The following GOLGA8H variants were observed in gnomAD, a reference collection of about 807,000 sequenced individuals.
GOLGA8H encodes the protein golgin subfamily A member 8H.
GOLGA8H carries 47 observed loss-of-function variants against 82.7 expected under a neutral mutation model. The observed-to-expected ratio is 0.57, with a 90% CI of 0.45 to 0.73. The LOEUF (loss-of-function observed/expected upper bound fraction) is 0.73. GOLGA8H is among the 30% of genes least tolerant of loss of function. The pLI is 0.00. For missense variants in GOLGA8H, 372 were observed against 661.0 expected, an observed-to-expected ratio of 0.56 and a Z score of 4.79; for synonymous variants, 108 against 241.6, an observed-to-expected ratio of 0.45 and a Z score of 5.13.
Position 30,605,934 on chromosome 15 carries a change from C to G in GOLGA8H, c.140C>G (p.Thr47Ser). ...AATGGCAGTGTCCCTGAGAAAGCCA[C>G]TTCTGGTGGTTGCCAGCCACCTGGG... ...KTNGSVPEKA[T>S]SGGCQPPGDS... Residue 47 changes from threonine (T) to serine (S), a missense_variant, in exon 2 of 19, where the codon ACT becomes AGT. Transcript: ENST00000566740. 4 of 1,597,264 alleles carry G rather than the reference C, an allele frequency of 2.5e-6. No homozygotes were observed. Among genetic ancestry groups the G allele is most frequent in the Non-Finnish European group, 3.4e-6 (4 of 1,177,572 alleles).
At position 30,615,367 on chromosome 15, in the gene GOLGA8H, T is replaced by C. The variant is rs528174657; in HGVS notation, c.*806T>C. Among the ~76,000 whole-genome samples, 4 of 152,086 alleles carry C rather than the reference T, an allele frequency of 2.6e-5. No homozygotes were observed. In the East Asian group the frequency reaches 5.8e-4, roughly 22 times the overall value. On this transcript the variant is annotated 3_prime_UTR_variant, in exon 19 of 19. Transcript: ENST00000566740. ...CTGCAGCAGTTGCACTCTTTTTCGATGACCTAAAAAGGGCTTATTTCTGAG... is the reference window on the plus strand; with the variant it reads ...CTGCAGCAGTTGCACTCTTTTTCGACGACCTAAAAAGGGCTTATTTCTGAG...
rs2060089255 is a variant in GOLGA8H, at chr15:30,615,107, A to G, written c.*546A>G. Among the ~76,000 whole-genome samples, 1 of 151,776 alleles carries G rather than the reference A, an allele frequency of 6.6e-6. No individual in the cohort carries two copies. Among genetic ancestry groups the G allele is most frequent in the African/African-American group, 2.4e-5 (1 of 41,314 alleles). ...GAGTACTGACATTTAGAGTTGTTTAAAGGCCAAGAACTGGAAACAGCCTTT... is the reference window on the plus strand; with the variant it reads ...GAGTACTGACATTTAGAGTTGTTTAGAGGCCAAGAACTGGAAACAGCCTTT... On this transcript the variant is annotated 3_prime_UTR_variant, in exon 19 of 19. Transcript: ENST00000566740.
At position 30,617,557 on chromosome 15, in the gene GOLGA8H, G is replaced by A. The variant is rs1349944216; in HGVS notation, c.*2996G>A. 6 of 151,102 alleles carry A rather than the reference G, an allele frequency of 4.0e-5. No individual in the cohort carries two copies. Among genetic ancestry groups the A allele is most frequent in the Admixed American group, 2.0e-4 (3 of 15,148 alleles). 9.4% of individuals were successfully genotyped at this position (151,102 alleles called of 1,614,324 possible). A position where few individuals can be genotyped will look rare whatever the true frequency, so the allele number is the denominator to read the frequency against. On this transcript the variant is annotated 3_prime_UTR_variant, in exon 19 of 19. Coordinates refer to ENST00000566740, the MANE Select transcript of GOLGA8H (RefSeq NM_001282490.2). The stretch of plus-strand genomic sequence containing the variant: ...TATAAAAGAAAGAAATGGTGGGAAC[G>A]AAAAGCAGAGAAAGAAATGCCAATT...
chr15:30,605,999 G>C, intron 2 of GOLGA8H, 37 bp downstream of exon 2: 1 of 1,544,716 alleles, frequency 6.5e-7, no homozygotes, highest in Non-Finnish European at 8.7e-7. Flanking sequence ...GGGACAGGGG[G>C]CCCAAGGGGC....
Position 30,615,442 on chromosome 15 carries a change from C to G in GOLGA8H, c.*881C>G, listed in dbSNP as rs1159490103. Among the ~76,000 whole-genome samples, 1 of 151,832 alleles carries G rather than the reference C, an allele frequency of 6.6e-6. No homozygotes were observed. Among genetic ancestry groups the G allele is most frequent in the East Asian group, 1.9e-4 (1 of 5,162 alleles). ...TGTGGATGTGGAAATCCTTTCCTAGCTTAGAGCATTTGTATCTACAATACA... is the reference window on the plus strand; with the variant it reads ...TGTGGATGTGGAAATCCTTTCCTAGGTTAGAGCATTTGTATCTACAATACA... On this transcript the variant is annotated 3_prime_UTR_variant, in exon 19 of 19. Transcript: ENST00000566740.
intron 15 of GOLGA8H, 92 bp downstream of exon 15, chr15:30,613,287 T>C: frequency 1.7e-6 from 1 of 587,896 alleles, no homozygotes; most frequent in East Asian, 2.7e-5. Context: ...GCCTTCTGAT[T>C]TCTCTGGACC....
rs1239512521 is a variant in GOLGA8H, at chr15:30,605,883, C to T, written c.89C>T (p.Ala30Val). ...YWQKNSPRVP[A>V]GANRNRKTNG... ...CAGAAAAACAGCCCTAGAGTTCCAG[C>T]AGGAGCGAACAGGAACAGGAAAACA... Residue 30 changes from alanine (A) to valine (V), a missense_variant, in exon 2 of 19, where the codon GCA becomes GTA. By Grantham distance (64) the Ala-to-Val change is moderately conservative. Transcript: ENST00000566740. 2.5e-6 allele frequency: 4 copies of T among 1,583,476 alleles called. No individual in the cohort carries two copies. In the East Asian group the frequency reaches 9.0e-5, roughly 36 times the overall value.
In GOLGA8H at chr15:30,610,040, G is replaced by C. The variant is rs771572730; in HGVS notation, c.720G>C (p.Glu240Asp). The change falls in exon 10 of 19, where the codon GAG (glutamate) becomes GAC (aspartate). Residue 240 changes from glutamate to aspartate, a missense_variant. By Grantham distance (45) the Glu-to-Asp change is conservative. Transcript: ENST00000566740. Reference sequence around the variant, plus strand: ...AACAAGTCCAATTAGAAAGAGATGAGTGTGCTGAACATCTAAAAGGAGAGA... The same window carrying C: ...AACAAGTCCAATTAGAAAGAGATGACTGTGCTGAACATCTAAAAGGAGAGA... ...SFQQVQLERD[E>D]CAEHLKGERA... 6.2e-7 allele frequency: 1 copy of C among 1,611,612 alleles called. No individual in the cohort carries two copies. The highest frequency in any genetic ancestry group is 1.1e-5 in the South Asian group (1 of 91,018).
rs770031595 is a variant in GOLGA8H, at chr15:30,608,679, C to G, written c.514C>G (p.His172Asp). The stretch of plus-strand genomic sequence containing the variant: ...CAAGGATCTGGCTGTCTGCCTGCAA[C>G]ATTCATTGCAGCGTAAAGGAGAGTT... ...KSKDLAVCLQ[H>D]SLQRKGELES... The change falls in exon 8 of 19, where the codon CAT becomes GAT. Residue 172 changes from histidine to aspartate, a missense_variant. His to Asp is a moderately conservative substitution (Grantham distance 81, BLOSUM62 -1). Coordinates refer to ENST00000566740, the MANE Select transcript of GOLGA8H (RefSeq NM_001282490.2). 41 of 1,517,908 alleles carry G rather than the reference C, an allele frequency of 2.7e-5. No homozygotes were observed. Among genetic ancestry groups the G allele is most frequent in the Non-Finnish European group, 3.6e-6 (4 of 1,109,830 alleles). 94.0% of individuals were successfully genotyped at this position (1,517,908 alleles called of 1,614,324 possible).
At chr15:30,610,587 G>A (rs1424424898) in intron 11 of GOLGA8H, among the ~76,000 whole-genome samples, 179 bp from the exon 12 acceptor site, 1 of 150,468 alleles carries the variant, frequency 6.6e-6, no homozygotes, top group Non-Finnish European at 1.5e-5. Context: ...AGGGCCCGTT[G>A]CCAGCCACCC....
chr15:30,608,622 C>T (rs762057326), intron 7 of GOLGA8H, 25 bp from the exon 8 acceptor site: 19 of 1,601,416 alleles, frequency 1.2e-5, no homozygotes, highest in Middle Eastern at 2.2e-4. Context: ...GTCCTTTGGG[C>T]CCCATCTCAA....
intron 10 of GOLGA8H, 97 bp downstream of exon 10, chr15:30,610,203 G>T: frequency 6.6e-7 from 1 of 1,524,858 alleles, no homozygotes; most frequent in Non-Finnish European, 9.1e-7. Flanking sequence ...GGTGGTCATG[G>T]GTCTGGGCTT....
intron 5 of GOLGA8H, 51 bp from the exon 6 acceptor site, chr15:30,608,280 G>T: frequency 1.3e-6 from 2 of 1,560,766 alleles, no homozygotes; most frequent in Non-Finnish European, 1.7e-6. Flanking sequence ...GTCTCTTGCT[G>T]TGCCATCTCT....
chr15:30,604,309 C>T, intron 1 of GOLGA8H, 136 bp downstream of exon 1: 1 of 1,517,506 alleles, frequency 6.6e-7, no homozygotes, highest in South Asian at 1.2e-5. Context: ...GGGCTACCCC[C>T]ATCAAAGTTT....
In GOLGA8H at chr15:30,609,947, G is replaced by A; in HGVS notation, c.679-52G>A. 6 of 1,595,992 alleles carry A rather than the reference G, an allele frequency of 3.8e-6. 1 individual carries two copies. The South Asian group carries it at 6.6e-5, about 18-fold the overall frequency. On this transcript the variant is annotated intron_variant, in intron 9 of 18. Coordinates refer to ENST00000566740, the MANE Select transcript of GOLGA8H (RefSeq NM_001282490.2). ...GGAAGATGACCCCAGGTGGCCAGGA[G>A]CAGGTGAGGACCAGTGACAGCCCTT...
At chr15:30,613,060 C>A in intron 14 of GOLGA8H, 44 bp from the exon 15 acceptor site, 1 of 1,136,036 alleles carries the variant, frequency 8.8e-7, no homozygotes, top group East Asian at 2.4e-5. Context: ...CACAGTTCCT[C>A]CCTTGTTGGG....
At position 30,614,498 on chromosome 15, in the gene GOLGA8H, C is replaced by G; in HGVS notation, c.1836C>G (p.Gly612=). The change falls in exon 19 of 19, where the codon GGC becomes GGG. Residue 612 remains glycine (G), a synonymous_variant. Coordinates refer to ENST00000566740, the MANE Select transcript of GOLGA8H (RefSeq NM_001282490.2). ...TGCAGGACCACCAGGAGCACCCAGG[C>G]TTGGGCAGCAACTGCTGTGTGCCAT... is the stretch of plus-strand genomic sequence containing the variant. ...PIVQDHQEHP[G]LGSNCCVPLL... The G allele has an allele frequency of 1.2e-6, 2 of 1,602,432 alleles. No individual in the cohort carries two copies. The highest frequency in any genetic ancestry group is 1.7e-6 in the Non-Finnish European group (2 of 1,179,494).
In GOLGA8H at chr15:30,610,121, T is replaced by C. The variant is rs199577132; in HGVS notation, c.786+15T>C. 18 of 1,610,226 alleles carry C rather than the reference T, an allele frequency of 1.1e-5. No homozygotes were observed. The highest frequency in any genetic ancestry group is 5.0e-5 in the Admixed American group (3 of 59,934). On this transcript the variant is annotated intron_variant, in intron 10 of 18. Coordinates refer to ENST00000566740, the MANE Select transcript of GOLGA8H (RefSeq NM_001282490.2). ...TGTCGCAGGAGGTGAGATCTCACCC[T>C]TCAGCCCCCCCACATTAGATAGGTC...
Position 30,606,909 on chromosome 15 carries a change from CTGGAGGT to C in GOLGA8H, c.224_228+2del. The stretch of plus-strand genomic sequence containing the variant: ...TACATCATCTGCTACCCTGAAAGAT[CTGGAGGT>C]AAGAGGCTCTGGGCAGAGGTGCAGT... On this transcript the variant is annotated splice_donor_variant and coding_sequence_variant, in exon 3 of 19. Transcript: ENST00000566740. LOFTEE classifies it high-confidence loss of function. 2 of 1,546,864 alleles carry C rather than the reference CTGGAGGT, an allele frequency of 1.3e-6. No individual in the cohort carries two copies. The highest frequency in any genetic ancestry group is 1.7e-6 in the Non-Finnish European group (2 of 1,146,796).
Sources: gnomAD v4.1 joint callset for allele counts (sites outside exome capture counted in the v4.1 genomes callset) on GRCh38, gnomAD v4.1.1 for gene constraint, MANE v1.5 for transcripts, NCBI Gene and HGNC (gene_info 2026-07-23, HGNC 2026-07-21) for gene names.